DCUN1D5: variants seen among roughly 807,000 people sequenced by gnomAD.
DCUN1D5 encodes the protein DCN1-like protein 5.
DCUN1D5 carries 10 observed loss-of-function variants against 38.3 expected under a neutral mutation model. That is an observed-to-expected ratio of 0.26 (90% confidence interval 0.16 to 0.44). DCUN1D5 has a LOEUF of 0.44. Ranked by LOEUF, DCUN1D5 falls within the 20% of genes least tolerant of loss-of-function variation. The probability of loss-of-function intolerance (pLI) is 1.00; values close to 1 mark genes in which losing one functional copy is unlikely to be tolerated. For missense variants in DCUN1D5, 148 were observed against 275.3 expected, an observed-to-expected ratio of 0.54 and a Z score of 3.27; for synonymous variants, 93 against 90.9, an observed-to-expected ratio of 1.02 and a Z score of -0.13.
rs1319401891 is a variant in DCUN1D5, at chr11:103,055,708, T to C, written c.*6651A>G. On this transcript the variant is annotated 3_prime_UTR_variant, in exon 8 of 8. Transcript: ENST00000260247. ...ATCATATGTCTTCAATTAAGTTCTA[T>C]CCTCTGGCTACACTTACTCTCTAAG... 1 of 152,202 alleles carries C rather than the reference T, an allele frequency of 6.6e-6. No individual in the cohort carries two copies. The highest frequency in any genetic ancestry group is 2.4e-5 in the African/African-American group (1 of 41,458). 9.4% of individuals were successfully genotyped at this position (152,202 alleles called of 1,614,324 possible).
rs367992092 is a variant in DCUN1D5, at chr11:103,057,222, A to G, written c.*5137T>C. Among the ~76,000 whole-genome samples, 2 of 152,224 alleles carry G rather than the reference A, an allele frequency of 1.3e-5. No individual in the cohort carries two copies. The highest frequency in any genetic ancestry group is 1.9e-4 in the East Asian group (1 of 5,196). On this transcript the variant is annotated 3_prime_UTR_variant, in exon 8 of 8. Transcript: ENST00000260247. This position sits in a 1 kb window ranked among gnomAD's most constrained non-coding sequence, Gnocchi z 4.8. ...AAAGTATATAAACTAACTTCACTTA[A>G]GTCAATACTCACAAGTTAATTCTGC...
intron 4 of DCUN1D5, among the ~76,000 whole-genome samples, chr11:103,080,447 A>G (rs1399852648): frequency 1.3e-5 from 2 of 152,178 alleles, no homozygotes; most frequent in Admixed American, 6.5e-5. Context: ...TCAAGGAGTA[A>G]TAAGACTTGG....
intron 4 of DCUN1D5, among the ~76,000 whole-genome samples, chr11:103,069,690 G>A (rs966326006): frequency 6.6e-6 from 1 of 152,190 alleles, no homozygotes; most frequent in African/African-American, 2.4e-5. Context: ...ATCAGTAAAA[G>A]CGTAGTGGGA....
intron 4 of DCUN1D5, among the ~76,000 whole-genome samples, chr11:103,074,115 G>A (rs1862346444): frequency 6.6e-6 from 1 of 151,976 alleles, no homozygotes; most frequent in African/African-American, 2.4e-5. Flanking sequence ...CTCCATAAAA[G>A]GAAAAACTAA....
intron 1 of DCUN1D5, 111 bp from the exon 2 acceptor site, chr11:103,089,429 T>C: frequency 2.3e-6 from 2 of 868,578 alleles, no homozygotes; most frequent in South Asian, 2.3e-5. Flanking sequence ...TTTTTTTTTC[T>C]TCGGTTGGCA....
Position 103,062,460 on chromosome 11 carries a change from TC to T in DCUN1D5, c.659-47del, listed in dbSNP as rs1384506874. On this transcript the variant is annotated intron_variant, in intron 7 of 7. Transcript: ENST00000260247. The surrounding 1 kb of genome is among the most constrained non-coding windows in gnomAD (Gnocchi z 4.6). ...TTTGTCAGAATTCAGTGAACTCATC[TC>T]TCCAATTATAAAACAAACTCCCCAC... 1 of 1,549,362 alleles carries T rather than the reference TC, an allele frequency of 6.5e-7. No individual in the cohort carries two copies. Among genetic ancestry groups the T allele is most frequent in the South Asian group, 1.1e-5 (1 of 88,194 alleles).
chr11:103,082,042 T>C (rs1018008557), intron 4 of DCUN1D5, among the ~76,000 whole-genome samples: 3 of 152,116 alleles, frequency 2.0e-5, no homozygotes, highest in Non-Finnish European at 2.9e-5. Context: ...TGATAACTAA[T>C]ACCCTGCAGA....
At chr11:103,079,156 G>A (rs1425488434) in intron 4 of DCUN1D5, among the ~76,000 whole-genome samples, 3 of 152,112 alleles carry the variant, frequency 2.0e-5, no homozygotes, top group Admixed American at 1.3e-4. Context: ...GGTTGCATGC[G>A]CCTTATGAGA....
rs911200414 is a variant in DCUN1D5, at chr11:103,086,258, A to G, written c.179-2932T>C. Among the ~76,000 whole-genome samples, 1 of 152,222 alleles carries G rather than the reference A, an allele frequency of 6.6e-6. No individual in the cohort carries two copies. Among genetic ancestry groups the G allele is most frequent in the Admixed American group, 6.5e-5 (1 of 15,288 alleles). Reference sequence around the variant, plus strand: ...GAGTCATTAATTTTGGAACACTGTAAAAAACACACAACCAGTAAATCTGAT... The same window carrying G: ...GAGTCATTAATTTTGGAACACTGTAGAAAACACACAACCAGTAAATCTGAT... On this transcript the variant is annotated intron_variant, in intron 2 of 7. Transcript: ENST00000260247. This position sits in a 1 kb window ranked among gnomAD's most constrained non-coding sequence, Gnocchi z 4.1.
At chr11:103,069,384 G>GT (rs1862215766) in intron 4 of DCUN1D5, among the ~76,000 whole-genome samples, 1 of 152,152 alleles carries the variant, frequency 6.6e-6, no homozygotes, top group Non-Finnish European at 1.5e-5. Flanking sequence ...CTCTACTCCA[G>GT]TTAAAAACCA....
At chr11:103,079,080 C>T (rs952755640) in intron 4 of DCUN1D5, among the ~76,000 whole-genome samples, 2 of 152,200 alleles carry the variant, frequency 1.3e-5, no homozygotes, top group Non-Finnish European at 2.9e-5. Context: ...CCTGTCAGAA[C>T]AGCAGCGGCA....
chr11:103,080,521 C>T (rs1045198964), intron 4 of DCUN1D5, among the ~76,000 whole-genome samples: 5 of 151,906 alleles, frequency 3.3e-5, no homozygotes, highest in African/African-American at 7.3e-5. Context: ...AAAAAATCAA[C>T]GATTTTCCAG....
Position 103,073,531 on chromosome 11 carries a change from G to T in DCUN1D5, c.342-6964C>A, listed in dbSNP as rs1862331433. On this transcript the variant is annotated intron_variant, in intron 4 of 7. Coordinates refer to ENST00000260247, the MANE Select transcript of DCUN1D5 (RefSeq NM_032299.4). This position sits in a 1 kb window ranked among gnomAD's most constrained non-coding sequence, Gnocchi z 4.2. ...ACCTGATTTCAAGTCTTAGTATTTAGCCACAGTAATCCAGACTGTGTGGTA... is the reference window on the plus strand; with the variant it reads ...ACCTGATTTCAAGTCTTAGTATTTATCCACAGTAATCCAGACTGTGTGGTA... Among the ~76,000 whole-genome samples, 1 of 152,200 alleles carries T rather than the reference G, an allele frequency of 6.6e-6. No individual in the cohort carries two copies. Among genetic ancestry groups the T allele is most frequent in the Non-Finnish European group, 1.5e-5 (1 of 68,038 alleles).
chr11:103,081,541 ATGT>A (rs1268219746), intron 4 of DCUN1D5, among the ~76,000 whole-genome samples: 5 of 152,318 alleles, frequency 3.3e-5, no homozygotes, highest in African/African-American at 1.2e-4. Flanking sequence ...TTTATAAGGA[ATGT>A]TGATTTATAT....
In DCUN1D5 at chr11:103,091,294, C is replaced by T. The variant is rs1044664285; in HGVS notation, c.86+493G>A. ...CACTCCAAATACTAAATATGGAGGCCAATTATAGCATACAAGTTTTCCTTT... is the reference window on the plus strand; with the variant it reads ...CACTCCAAATACTAAATATGGAGGCTAATTATAGCATACAAGTTTTCCTTT... On this transcript the variant is annotated intron_variant, in intron 1 of 7. Coordinates refer to ENST00000260247, the MANE Select transcript of DCUN1D5 (RefSeq NM_032299.4). This position sits in a 1 kb window ranked among gnomAD's most constrained non-coding sequence, Gnocchi z 4.3. Among the ~76,000 whole-genome samples, 1 of 152,012 alleles carries T rather than the reference C, an allele frequency of 6.6e-6. No individual in the cohort carries two copies. Among genetic ancestry groups the T allele is most frequent in the African/African-American group, 2.4e-5 (1 of 41,356 alleles).
In DCUN1D5 at chr11:103,059,891, G is replaced by A. The variant is rs1861969070; in HGVS notation, c.*2468C>T. ...CATACGGTATTTCATCCTGTACAAA[G>A]GGAAGTAGTTCTGAAAATTTTACAA... On this transcript the variant is annotated 3_prime_UTR_variant, in exon 8 of 8. Coordinates refer to ENST00000260247, the MANE Select transcript of DCUN1D5 (RefSeq NM_032299.4). Among the ~76,000 whole-genome samples the A allele has an allele frequency of 6.6e-6, 1 of 152,068 alleles. No homozygotes were observed. The highest frequency in any genetic ancestry group is 1.9e-4 in the East Asian group (1 of 5,196).
intron 4 of DCUN1D5, among the ~76,000 whole-genome samples, chr11:103,081,261 T>A (rs189553192): frequency 6.6e-6 from 1 of 152,262 alleles, no homozygotes; most frequent in East Asian, 1.9e-4. Flanking sequence ...GAGTCCAAAA[T>A]GCACTTATAA....
In DCUN1D5 at chr11:103,055,965, T is replaced by G. The variant is rs1345060873; in HGVS notation, c.*6394A>C. ...TCTTCGCCATCTTATTAATGCCCACTTCATTCTTCAAGCCAAAAACCTTGA... is the reference window on the plus strand; with the variant it reads ...TCTTCGCCATCTTATTAATGCCCACGTCATTCTTCAAGCCAAAAACCTTGA... On this transcript the variant is annotated 3_prime_UTR_variant, in exon 8 of 8. Coordinates refer to ENST00000260247, the MANE Select transcript of DCUN1D5 (RefSeq NM_032299.4). 6.6e-6 allele frequency among the ~76,000 whole-genome samples: 1 copy of G among 152,216 alleles called. No homozygotes were observed. The highest frequency in any genetic ancestry group is 2.4e-5 in the African/African-American group (1 of 41,454).
At chr11:103,090,077 T>C (rs1008073861) in intron 1 of DCUN1D5, among the ~76,000 whole-genome samples, 4 of 152,092 alleles carry the variant, frequency 2.6e-5, no homozygotes, top group Admixed American at 1.3e-4. Context: ...CACAATGATA[T>C]AGAAATGATA....
Sources: gnomAD v4.1 joint callset for allele counts (sites outside exome capture counted in the v4.1 genomes callset) on GRCh38, gnomAD v4.1.1 for gene constraint, Gnocchi (gnomAD v3.1) non-coding constraint, MANE v1.5 for transcripts, NCBI Gene and HGNC (gene_info 2026-07-23, HGNC 2026-07-21) for gene names.